L3MBTL2: variants seen among roughly 807,000 people sequenced by gnomAD.
The protein encoded by L3MBTL2 is L3MBTL histone methyl-lysine binding protein 2.
A neutral mutation model predicts 86.4 loss-of-function variants in L3MBTL2; 49 were observed. That is an observed-to-expected ratio of 0.57 (90% CI 0.45 to 0.72). The LOEUF (loss-of-function observed/expected upper bound fraction) is 0.72. Ranked by LOEUF, L3MBTL2 falls within the 30% of genes least tolerant of loss-of-function variation. The pLI is 0.00. For missense variants in L3MBTL2, 755 were observed against 923.7 expected (o/e 0.82, Z 2.37); for synonymous variants, 336 against 350.6 (o/e 0.96, Z 0.47).
Position 41,224,757 on chromosome 22 carries a change from T to C in L3MBTL2, c.1207T>C (p.Phe403Leu). 6.2e-7 allele frequency: 1 copy of C among 1,614,044 alleles called. No homozygotes were observed. Among genetic ancestry groups the C allele is most frequent in the Non-Finnish European group, 8.5e-7 (1 of 1,179,886 alleles). The part of the protein sequence containing the change: ...RRSDMAHHPT[F>L]RKIYCDAVPY... Reference sequence around the variant, plus strand: ...AAGTGACATGGCCCATCACCCCACCTTCCGGAAGATCTACTGTGATGCCGT... The same window carrying C: ...AAGTGACATGGCCCATCACCCCACCCTCCGGAAGATCTACTGTGATGCCGT... Residue 403 changes from phenylalanine (F) to leucine (L), a missense_variant, in exon 10 of 17, where the codon TTC becomes CTC. Physicochemically the swap from Phe to Leu is conservative, Grantham distance 22. This residue lies in a region of L3MBTL2 where 634 missense variants were observed against 748.9 expected (regional missense o/e 0.85). Coordinates refer to ENST00000216237, the MANE Select transcript of L3MBTL2 (RefSeq NM_031488.5). The surrounding 1 kb of genome is among the most constrained non-coding windows in gnomAD (Gnocchi z 4.9).
chr22:41,206,709 G>A (rs1180796034), intron 1 of L3MBTL2, among the ~76,000 whole-genome samples: 1 of 151,912 alleles, frequency 6.6e-6, no homozygotes, highest in Non-Finnish European at 1.5e-5. Flanking sequence ...TGAGGCGGGA[G>A]AATGGCGTGA....
At position 41,210,996 on chromosome 22, in the gene L3MBTL2, G is replaced by A. The variant is rs374877699; in HGVS notation, c.262+1063G>A. The stretch of plus-strand genomic sequence containing the variant: ...GGGTGGGAGTGGGAAGGTAATACAC[G>A]ATAAAGTGACCCTGGGTAGGAGGAC... On this transcript the variant is annotated intron_variant, in intron 2 of 16. Transcript: ENST00000216237. 2.2e-4 allele frequency among the ~76,000 whole-genome samples: 34 copies of A among 152,204 alleles called. 1 individual carries two copies. The East Asian group carries it at 4.8e-3, about 22-fold the overall frequency.
chr22:41,209,984 G>A (rs767916652), intron 2 of L3MBTL2, 51 bp downstream of exon 2: 1 of 1,592,818 alleles, frequency 6.3e-7, no homozygotes, highest in Non-Finnish European at 8.6e-7. Flanking sequence ...AGATTATAGA[G>A]GAAGAGGGGG....
At position 41,205,362 on chromosome 22, in the gene L3MBTL2, C is replaced by G; in HGVS notation, c.-1C>G. ...GTGACGCTTGGCGAAACTGAGGTCT[C>G]ATGGAGAAGCCCCGGAGTATTGAGG... On this transcript the variant is annotated 5_prime_UTR_variant, in exon 1 of 17. Transcript: ENST00000216237. The G allele has an allele frequency of 6.2e-7, 1 of 1,614,192 alleles. No homozygotes were observed. The highest frequency in any genetic ancestry group is 1.1e-5 in the South Asian group (1 of 91,080).
Position 41,229,524 on chromosome 22 carries a change from C to G in L3MBTL2, c.1889-16C>G. 1 of 1,603,546 alleles carries G rather than the reference C, an allele frequency of 6.2e-7. No individual in the cohort carries two copies. ...TACAACCCTAATGCTGGGTTTGAAT[C>G]CATTTTTATTCAAAGGGAAAAGAAT... On this transcript the variant is annotated splice_polypyrimidine_tract_variant and intron_variant, in intron 15 of 16. Transcript: ENST00000216237.
chr22:41,210,155 T>TG, intron 2 of L3MBTL2: 2 of 484,240 alleles, frequency 4.1e-6, no homozygotes, highest in East Asian at 7.0e-5. Flanking sequence ...TTTTTTTTTT[T>TG]TTTTTTTTTT....
chr22:41,221,410 A>G (rs1325498550), intron 8 of L3MBTL2, 123 bp downstream of exon 8: 2 of 832,086 alleles, frequency 2.4e-6, no homozygotes, highest in Non-Finnish European at 3.9e-6. Flanking sequence ...GCAGCTCCAC[A>G]TTTTGCAAGG....
chr22:41,213,109 C>T (rs1346767719), intron 2 of L3MBTL2, among the ~76,000 whole-genome samples: 7 of 152,018 alleles, frequency 4.6e-5, no homozygotes, highest in South Asian at 2.1e-4. Context: ...CCCAGCTACT[C>T]GGGAGGCTGA....
At position 41,224,622 on chromosome 22, in the gene L3MBTL2, CGT is replaced by C; in HGVS notation, c.1175-101_1175-100del. ...AGATACAGAGATACAGCTGAGAACA[CGT>C]GCAGAGCAGCCCCACATTCCCAGGG... On this transcript the variant is annotated intron_variant, in intron 9 of 16. Coordinates refer to ENST00000216237, the MANE Select transcript of L3MBTL2 (RefSeq NM_031488.5). The surrounding 1 kb of genome is among the most constrained non-coding windows in gnomAD (Gnocchi z 4.9). 1 of 822,322 alleles carries C rather than the reference CGT, an allele frequency of 1.2e-6. No individual in the cohort carries two copies. The highest frequency in any genetic ancestry group is 1.5e-5 in the South Asian group (1 of 66,840). 50.9% of individuals were successfully genotyped at this position (822,322 alleles called of 1,614,324 possible). A position where few individuals can be genotyped will look rare whatever the true frequency, so the allele number is the denominator to read the frequency against.
intron 3 of L3MBTL2, chr22:41,214,693 G>A (rs913712318): frequency 6.6e-6 from 1 of 152,174 alleles, no homozygotes; most frequent in Non-Finnish European, 1.5e-5. Context: ...TTGCCTGCAT[G>A]TTGGGATCAC....
intron 2 of L3MBTL2, among the ~76,000 whole-genome samples, chr22:41,212,649 A>G (rs910875304): frequency 5.9e-5 from 9 of 152,140 alleles, no homozygotes; most frequent in Non-Finnish European, 1.0e-4. Flanking sequence ...TAATCCCAGC[A>G]CTTTGGGAGG....
intron 5 of L3MBTL2, chr22:41,217,406 C>T: frequency 3.5e-6 from 2 of 565,784 alleles, no homozygotes; most frequent in South Asian, 4.0e-5. Context: ...CTTGGCTTCA[C>T]TCCCGGTCTG....
At position 41,221,257 on chromosome 22, in the gene L3MBTL2, C is replaced by T; in HGVS notation, c.912C>T (p.Ser304=). Residue 304 remains serine (S), a synonymous_variant, in exon 8 of 17, where the codon TCC becomes TCT. Coordinates refer to ENST00000216237, the MANE Select transcript of L3MBTL2 (RefSeq NM_031488.5). ...ACCTCATGAAACGGCTGGTGGGCTC[C>T]AGGACGCTTCCCGTGGATTTCCACA... ...KGYLMKRLVG[S]RTLPVDFHIK... 1 of 1,551,660 alleles carries T rather than the reference C, an allele frequency of 6.4e-7. No individual in the cohort carries two copies. Among genetic ancestry groups the T allele is most frequent in the Non-Finnish European group, 8.7e-7 (1 of 1,146,918 alleles).
At chr22:41,214,727 T>C (rs1268332359) in intron 3 of L3MBTL2, 3 of 152,140 alleles carry the variant, frequency 2.0e-5, no homozygotes, top group African/African-American at 7.2e-5. Flanking sequence ...AAATTATTGA[T>C]GCTGGTCGGG....
intron 1 of L3MBTL2, 197 bp from the exon 2 acceptor site, chr22:41,209,499 T>C (rs1601487522): frequency 1.7e-6 from 1 of 573,274 alleles, no homozygotes; most frequent in East Asian, 2.8e-5. Flanking sequence ...ACACATATTT[T>C]CTGTCTTGTT....
At chr22:41,220,906 G>GGGCCCCCGTAC in intron 7 of L3MBTL2, 38 bp downstream of exon 7, 1 of 1,596,032 alleles carries the variant, frequency 6.3e-7, no homozygotes, top group African/African-American at 1.3e-5. Context: ...TGTTCCCGTA[G>GGGCCCCCGTAC]GGCCCCTGGT....
rs2032074233 is a variant in L3MBTL2 at position 41,224,873 on chromosome 22, C to T, written c.1251+72C>T. ...TCCGGGCCTGAGGGACCTGGCTCTT[C>T]CCCTGGGACCATCCCTTTCCCTCCT... On this transcript the variant is annotated intron_variant, in intron 10 of 16. Coordinates refer to ENST00000216237, the MANE Select transcript of L3MBTL2 (RefSeq NM_031488.5). The surrounding 1 kb of genome is among the most constrained non-coding windows in gnomAD (Gnocchi z 4.9). 1.9e-6 allele frequency: 3 copies of T among 1,556,406 alleles called. No homozygotes were observed. The highest frequency in any genetic ancestry group is 2.7e-5 in the African/African-American group (2 of 73,778).
chr22:41,223,955 A>G (rs2032007020), intron 8 of L3MBTL2, 65 bp from the exon 9 acceptor site: 1 of 1,280,900 alleles, frequency 7.8e-7, no homozygotes, highest in Non-Finnish European at 1.1e-6. Context: ...TCCACTCACC[A>G]GAGCAGGAGG....
chr22:41,219,101 A>C (rs537928527), intron 5 of L3MBTL2: 9 of 264,450 alleles, frequency 3.4e-5, no homozygotes, highest in African/African-American at 1.9e-4. Flanking sequence ...GGACGAAGGG[A>C]TCGAGGCTCA....
Sources: gnomAD v4.1 joint callset for allele counts (sites outside exome capture counted in the v4.1 genomes callset) on GRCh38, gnomAD v4.1.1 for gene constraint, gnomAD v4.1.1 regional missense constraint, Gnocchi (gnomAD v3.1) non-coding constraint, MANE v1.5 for transcripts, NCBI Gene and HGNC (gene_info 2026-07-23, HGNC 2026-07-21) for gene names.